Variants in DAB1 observed in about 807,000 individuals in gnomAD.
DAB1 encodes the protein DAB adaptor protein 1.
In DAB1, 15 loss-of-function variants were observed where a neutral mutation model predicts 64.6. That is an observed-to-expected ratio of 0.23 (90% CI 0.16 to 0.36). The LOEUF (loss-of-function observed/expected upper bound fraction) is 0.36, where lower values mean the gene tolerates loss of function less well. Ranked by LOEUF, DAB1 falls within the 10% of genes least tolerant of loss-of-function variation. DAB1 has a pLI of 1.00. For synonymous variants in DAB1, 235 were observed against 251.9 expected (o/e 0.93, Z 0.64); for missense variants, 596 against 706.7 (o/e 0.84, Z 1.78).
At chr1:58,169,265 TG>T (rs1217033148) in intron 4 of DAB1, among the ~76,000 whole-genome samples, 1 of 151,850 alleles carries the variant, frequency 6.6e-6, no homozygotes, top group East Asian at 1.9e-4. Flanking sequence ...GGGACCATTG[TG>T]GGTTCTTGGG....
chr1:58,482,324 C>A (rs568768570), intron 3 of DAB1, among the ~76,000 whole-genome samples: 1 of 152,126 alleles, frequency 6.6e-6, no homozygotes. Context: ...CTAAAAGAAT[C>A]GTCCAATAGA....
At chr1:58,542,452 T>C (rs1026029223) in intron 1 of DAB1, 3 of 152,178 alleles carry the variant, frequency 2.0e-5, no homozygotes, top group Non-Finnish European at 2.9e-5. Flanking sequence ...TATTAGGGGA[T>C]AATAAAATTC....
intron 3 of DAB1, among the ~76,000 whole-genome samples, chr1:58,447,439 C>T (rs541653016): frequency 1.8e-4 from 28 of 151,926 alleles, no homozygotes; most frequent in African/African-American, 6.8e-4. Flanking sequence ...AGTTTTTTTT[C>T]CTATTGATAT....
At chr1:57,735,941 G>A (rs962224123) in intron 6 of DAB1, among the ~76,000 whole-genome samples, 4 of 151,788 alleles carry the variant, frequency 2.6e-5, no homozygotes, top group Non-Finnish European at 2.9e-5. Flanking sequence ...TAGCCTTTTT[G>A]GTTCTTAAAT....
At chr1:57,647,760 A>G (rs934688705) in intron 7 of DAB1, among the ~76,000 whole-genome samples, 2 of 152,210 alleles carry the variant, frequency 1.3e-5, no homozygotes, top group Non-Finnish European at 2.9e-5. Context: ...CAGAAGATAG[A>G]TATTACTTTT....
chr1:57,951,332 A>ATATATATATATATATATAT (rs1491577001), intron 5 of DAB1, among the ~76,000 whole-genome samples: 1 of 127,712 alleles, frequency 7.8e-6, no homozygotes. Context: ...ATATATATAT[A>ATATATATATATATATATAT]CTTCCCTGGA....
intron 7 of DAB1, among the ~76,000 whole-genome samples, chr1:57,628,702 T>A (rs1000572899): frequency 6.6e-6 from 1 of 152,228 alleles, no homozygotes; most frequent in Non-Finnish European, 1.5e-5. Flanking sequence ...TTACCAAATG[T>A]CTTTGTTTGC....
At chr1:58,357,076 A>G (rs895447954) in intron 3 of DAB1, among the ~76,000 whole-genome samples, 4 of 151,236 alleles carry the variant, frequency 2.6e-5, no homozygotes, top group Non-Finnish European at 4.4e-5. Context: ...TATATTCTAG[A>G]TGAAATGTGA....
At chr1:58,231,525 T>G (rs1315035233) in intron 4 of DAB1, among the ~76,000 whole-genome samples, 5 of 152,046 alleles carry the variant, frequency 3.3e-5, no homozygotes, top group African/African-American at 1.2e-4. Context: ...ACAAGCAAAG[T>G]AGATGAGAAA....
At chr1:58,050,134 T>A (rs1481787750) in intron 5 of DAB1, among the ~76,000 whole-genome samples, 1 of 151,916 alleles carries the variant, frequency 6.6e-6, no homozygotes, top group Admixed American at 6.6e-5. Context: ...AGGCCCTGAG[T>A]TAAAAGAGAA....
chr1:57,573,518 T>C (rs1645215824), intron 7 of DAB1, among the ~76,000 whole-genome samples: 1 of 152,268 alleles, frequency 6.6e-6, no homozygotes, highest in Non-Finnish European at 1.5e-5. Context: ...GTTGGCTCAC[T>C]AATACTTTAA....
chr1:57,679,289 C>G (rs1226347832), intron 6 of DAB1, among the ~76,000 whole-genome samples: 3 of 152,136 alleles, frequency 2.0e-5, no homozygotes, highest in Admixed American at 6.5e-5. Flanking sequence ...GATAAAGAAA[C>G]TAAGATTCCT....
chr1:58,415,150 CCT>C (rs138058829), intron 3 of DAB1, among the ~76,000 whole-genome samples: 43 of 149,588 alleles, frequency 2.9e-4, no homozygotes, highest in Admixed American at 4.0e-4. Context: ...GATCTGTCCC[CCT>C]CTCTCTCTCT....
At chr1:58,001,359 G>A (rs1646504326) in intron 5 of DAB1, among the ~76,000 whole-genome samples, 1 of 152,130 alleles carries the variant, frequency 6.6e-6, no homozygotes, top group African/African-American at 2.4e-5. Context: ...CACCTCCCGG[G>A]TTCAAGCAAT....
Position 58,025,651 on chromosome 1 carries a change from G to GTGTATATATATA in DAB1, n.387+124859_387+124860insTATATATATACA, listed in dbSNP as rs1264790564. On this transcript the variant is annotated intron_variant and non_coding_transcript_variant, in intron 5 of 20. Transcript: ENST00000485760. ...AATATAATATTATATATATATGTGT[G>GTGTATATATATA]TATATATATATATATATATATATAT... 5.3e-3 allele frequency among the ~76,000 whole-genome samples: 401 copies of GTGTATATATATA among 75,238 alleles called. 1 individual carries two copies. The highest frequency in any genetic ancestry group is 7.8e-3 in the Non-Finnish European group (254 of 32,558). 49.4% of individuals were successfully genotyped at this position (75,238 alleles called of 152,430 possible).
At chr1:57,548,842 C>A (rs1428400494) in intron 7 of DAB1, among the ~76,000 whole-genome samples, 1 of 152,162 alleles carries the variant, frequency 6.6e-6, no homozygotes, top group Non-Finnish European at 1.5e-5. Flanking sequence ...CATTAACAGA[C>A]ATCTTTACTA....
intron 1 of DAB1, among the ~76,000 whole-genome samples, chr1:57,343,112 C>T (rs1677764989): frequency 6.6e-6 from 1 of 152,028 alleles, no homozygotes; most frequent in East Asian, 1.9e-4. Flanking sequence ...GGTGCATTTA[C>T]AATCCCTGAG....
intron 1 of DAB1, among the ~76,000 whole-genome samples, chr1:57,363,935 C>T (rs1465989259): frequency 6.6e-6 from 1 of 152,118 alleles, no homozygotes; most frequent in East Asian, 1.9e-4. Context: ...TAATTTCAGT[C>T]CTAGAGAGTT....
At chr1:57,902,693 C>T (rs1223755828) in intron 5 of DAB1, among the ~76,000 whole-genome samples, 2 of 152,136 alleles carry the variant, frequency 1.3e-5, no homozygotes, top group Non-Finnish European at 2.9e-5. Flanking sequence ...TTTCAGTTAG[C>T]TCCATCACTG....
Sources: gnomAD v4.1 joint callset for allele counts (sites outside exome capture counted in the v4.1 genomes callset) on GRCh38, gnomAD v4.1.1 for gene constraint, MANE v1.5 for transcripts, NCBI Gene and HGNC (gene_info 2026-07-23, HGNC 2026-07-21) for gene names.